The following TPR variants were observed in gnomAD, a reference collection of about 807,000 sequenced individuals.
TPR encodes the protein translocated promoter region, nuclear basket protein.
In TPR, 51 loss-of-function variants were observed where a neutral mutation model predicts 316.1. The observed-to-expected ratio is 0.16, with a 90% CI of 0.13 to 0.20. The LOEUF is 0.20. TPR is among the 10% of genes least tolerant of loss of function. TPR has a pLI of 1.00. For synonymous variants in TPR, 981 were observed against 914.7 expected (o/e 1.07, Z -1.31); for missense variants, 2,272 against 2,754.8 (o/e 0.82, Z 3.92).
intron 17 of TPR, among the ~76,000 whole-genome samples, chr1:186,354,963 C>A (rs1258048875): frequency 6.6e-6 from 1 of 152,106 alleles, no homozygotes; most frequent in Non-Finnish European, 1.5e-5. Context: ...AGTGCAGTGG[C>A]CCCAATCTTG....
intron 30 of TPR, 124 bp from the exon 31 acceptor site, chr1:186,338,367 C>T: frequency 1.3e-6 from 1 of 747,592 alleles, no homozygotes; most frequent in Non-Finnish European, 2.1e-6. Flanking sequence ...CTAAAAAATA[C>T]CCATATACTT....
At chr1:186,336,746 A>G in intron 32 of TPR, 52 bp from the exon 33 acceptor site, 1 of 1,549,190 alleles carries the variant, frequency 6.5e-7, no homozygotes, top group Non-Finnish European at 8.8e-7. Flanking sequence ...TTCAATATAA[A>G]CTGTATGTGG....
chr1:186,331,415 G>T, intron 39 of TPR, 83 bp downstream of exon 39: 5 of 872,020 alleles, frequency 5.7e-6, no homozygotes, highest in Admixed American at 2.6e-5. Context: ...AAAAAAAAAA[G>T]ACCAAATAAT....
Position 186,338,178 on chromosome 1 carries a change from A to C in TPR, c.4217T>G (p.Val1406Gly). 1 of 1,612,934 alleles carries C rather than the reference A, an allele frequency of 6.2e-7. No individual in the cohort carries two copies. The highest frequency in any genetic ancestry group is 8.5e-7 in the Non-Finnish European group (1 of 1,179,512). Residue 1406 changes from valine (V) to glycine (G), a missense_variant, in exon 31 of 51, where the codon GTA (valine) becomes GGA (glycine). Around this residue, in one of 10 missense-constraint regions of TPR, gnomAD observed 96 missense variants for 134.6 expected, o/e 0.71. Transcript: ENST00000367478. ...IQSLKEDLNK[V>G]RTEKETIQKD... is the part of the protein sequence containing the mutation. ...CTGGATGGTTTCCTTTTCAGTTCTT[A>C]CTTTATTTAGATCTTCCTTCAGACT...
chr1:186,347,289 T>C lies in TPR; in HGVS notation c.2943+3A>G. ...TGAATTCTGAATTCAGAATTATACA[T>C]ACCTGTTTTTCCTTGTTCAGGGATT... On this transcript the variant is annotated splice_donor_region_variant and intron_variant, in intron 22 of 50. Coordinates refer to ENST00000367478, the MANE Select transcript of TPR (RefSeq NM_003292.3). 1.2e-6 allele frequency: 2 copies of C among 1,613,358 alleles called. No homozygotes were observed. Among genetic ancestry groups the C allele is most frequent in the Non-Finnish European group, 1.7e-6 (2 of 1,179,658 alleles).
At chr1:186,357,253 G>A (rs1047967343) in intron 14 of TPR, 144 bp downstream of exon 14, 9 of 717,008 alleles carry the variant, frequency 1.3e-5, no homozygotes, top group East Asian at 2.7e-5. Flanking sequence ...TCACTATGTC[G>A]TCCAGGCTGG....
chr1:186,324,328 G>C (rs1657854752), intron 42 of TPR, among the ~76,000 whole-genome samples: 1 of 152,184 alleles, frequency 6.6e-6, no homozygotes, highest in Non-Finnish European at 1.5e-5. Flanking sequence ...CTAAAGGTTA[G>C]ACCATTAGAG....
Position 186,312,657 on chromosome 1 carries a change from T to C in TPR, c.*1314A>G, listed in dbSNP as rs1365190761. On this transcript the variant is annotated 3_prime_UTR_variant, in exon 51 of 51. Coordinates refer to ENST00000367478, the MANE Select transcript of TPR (RefSeq NM_003292.3). ...TTATATACCAGTCTATAACCCTCAA[T>C]AGTTCTACATCAGAGGGCTAAAACT... 1 of 1,142,930 alleles carries C rather than the reference T, an allele frequency of 8.7e-7. No individual in the cohort carries two copies. Among genetic ancestry groups the C allele is most frequent in the Non-Finnish European group, 1.3e-6 (1 of 760,350 alleles). The allele number at this position is 1,142,930 out of a possible 1,614,324, so 70.8% of individuals were successfully genotyped here. A position where few individuals can be genotyped will look rare whatever the true frequency, so the allele number is the denominator to read the frequency against.
chr1:186,323,043 G>A lies in TPR; in HGVS notation c.6298-457C>T, dbSNP rs181254990. 6.6e-5 allele frequency among the ~76,000 whole-genome samples: 10 copies of A among 152,208 alleles called. No homozygotes were observed. The South Asian group carries it at 1.5e-3, about 22-fold the overall frequency. On this transcript the variant is annotated intron_variant, in intron 43 of 50. Transcript: ENST00000367478. ...TTAAGACTTTATATTTTCCCATCAT[G>A]AAGTTATTTTCACTAGTGGTATTTC... is the stretch of plus-strand genomic sequence containing the variant.
chr1:186,340,399 C>A (rs1379209799), intron 29 of TPR, among the ~76,000 whole-genome samples: 1 of 151,692 alleles, frequency 6.6e-6, no homozygotes, highest in Admixed American at 6.6e-5. Context: ...TTTTAAAGTG[C>A]TTTAATAAAT....
In TPR at chr1:186,351,191, G is replaced by C. The variant is rs559908750; in HGVS notation, c.2610+139C>G. 6.2e-5 allele frequency: 56 copies of C among 898,604 alleles called. No individual in the cohort carries two copies. In the East Asian group the frequency reaches 1.4e-3, roughly 23 times the overall value. The allele number at this position is 898,604 out of a possible 1,614,324, so 55.7% of individuals were successfully genotyped here. On this transcript the variant is annotated intron_variant, in intron 20 of 50. Coordinates refer to ENST00000367478, the MANE Select transcript of TPR (RefSeq NM_003292.3). ...ATGGCACCCAATAAAAAAATTACTG[G>C]GTATAGAGTGAGGCAAGAAAAACTT... is the stretch of plus-strand genomic sequence containing the variant.
In TPR at chr1:186,347,368, T is replaced by C; in HGVS notation, c.2867A>G (p.Lys956Arg). ...EQVNDLKERL[K>R]TSTSNVEQYQ... Reference sequence around the variant, plus strand: ...TTGTTCCACATTGCTCGTACTTGTTTTGAGTCTCTCCTTTAAGTCATTCAC... The same window carrying C: ...TTGTTCCACATTGCTCGTACTTGTTCTGAGTCTCTCCTTTAAGTCATTCAC... The change falls in exon 22 of 51, where the codon AAA becomes AGA. Residue 956 changes from lysine (K) to arginine (R), a missense_variant. Transcript: ENST00000367478. 1 of 1,614,130 alleles carries C rather than the reference T, an allele frequency of 6.2e-7. No individual in the cohort carries two copies. Among genetic ancestry groups the C allele is most frequent in the East Asian group, 2.2e-5 (1 of 44,856 alleles).
At position 186,351,335 on chromosome 1, in the gene TPR, G is replaced by C. The variant is rs777917513; in HGVS notation, c.2605C>G (p.Leu869Val). 1.2e-6 allele frequency: 2 copies of C among 1,607,362 alleles called. No homozygotes were observed. The highest frequency in any genetic ancestry group is 1.7e-6 in the Non-Finnish European group (2 of 1,177,378). Residue 869 changes from leucine to valine, a missense_variant, in exon 20 of 51, where the codon CTA (leucine) becomes GTA (valine). Physicochemically the swap from Leu to Val is conservative, Grantham distance 32 (BLOSUM62 1). This residue lies in a region of TPR where 757 missense variants were observed against 859.8 expected (regional missense o/e 0.88). Coordinates refer to ENST00000367478, the MANE Select transcript of TPR (RefSeq NM_003292.3). Reference protein sequence around the residue: ...VEQRHTLTRNLDVQLLDTKRQ... With the variant: ...VEQRHTLTRNVDVQLLDTKRQ... ...CAGAACTCTGATGGACTCACATCTA[G>C]ATTTCTAGTAAGTGTATGCCTTTGT...
intron 33 of TPR, 135 bp downstream of exon 33, chr1:186,336,361 T>A: frequency 3.9e-6 from 3 of 766,594 alleles, no homozygotes; most frequent in Admixed American, 5.3e-5. Context: ...TAATTATTCC[T>A]AATATTTAAA....
Position 186,313,492 on chromosome 1 carries a change from G to C in TPR, c.*479C>G, listed in dbSNP as rs1427420690. On this transcript the variant is annotated 3_prime_UTR_variant, in exon 51 of 51. Transcript: ENST00000367478. ...AAAGATGGTGAAATGTCAATCTTTT[G>C]AAACATCAAAAAAGCTGAAAAGTCT... The C allele has an allele frequency of 3.7e-6, 2 of 539,486 alleles. No individual in the cohort carries two copies. The highest frequency in any genetic ancestry group is 6.6e-6 in the Non-Finnish European group (2 of 305,280). The allele number at this position is 539,486 out of a possible 1,614,324, so 33.4% of individuals were successfully genotyped here.
intron 45 of TPR, among the ~76,000 whole-genome samples, chr1:186,321,415 G>A (rs1036473957): frequency 1.3e-5 from 2 of 152,164 alleles, no homozygotes; most frequent in African/African-American, 4.8e-5. Context: ...CGTTTAAGAG[G>A]AGTGGTATAG....
chr1:186,367,859 C>T (rs915220019), intron 4 of TPR, 27 bp downstream of exon 4: 2 of 1,520,686 alleles, frequency 1.3e-6, no homozygotes, highest in Non-Finnish European at 1.8e-6. Flanking sequence ...AGGAATGGAG[C>T]TAAAAGCTAC....
intron 36 of TPR, among the ~76,000 whole-genome samples, chr1:186,333,985 C>A (rs1205730469): frequency 6.6e-6 from 1 of 151,978 alleles, no homozygotes; most frequent in South Asian, 2.1e-4. Flanking sequence ...AGCATGTATA[C>A]CACAGAATAA....
In TPR at chr1:186,357,306, C is replaced by A. The variant is rs1270299290; in HGVS notation, c.1724+91G>T. On this transcript the variant is annotated intron_variant, in intron 14 of 50. Coordinates refer to ENST00000367478, the MANE Select transcript of TPR (RefSeq NM_003292.3). ...CAAATGATACCCCATTTAGGCCTCC[C>A]AAAACGTTGGGATTACAGGCATGAG... 1.1e-5 allele frequency: 15 copies of A among 1,318,194 alleles called. No individual in the cohort carries two copies. The South Asian group carries it at 1.9e-4, about 16-fold the overall frequency. The allele number at this position is 1,318,194 out of a possible 1,614,324, so 81.7% of individuals were successfully genotyped here.
Sources: gnomAD v4.1 joint callset for allele counts (sites outside exome capture counted in the v4.1 genomes callset) on GRCh38, gnomAD v4.1.1 for gene constraint, gnomAD v4.1.1 regional missense constraint, MANE v1.5 for transcripts, NCBI Gene and HGNC (gene_info 2026-07-23, HGNC 2026-07-21) for gene names.